Variants in SLC14A2 observed in about 807,000 individuals in gnomAD.
SLC14A2 encodes solute carrier family 14 member 2.
In SLC14A2, 91 loss-of-function variants were observed where a neutral mutation model predicts 104.6. The observed-to-expected ratio is 0.87, with a 90% CI of 0.73 to 1.04. The LOEUF is 1.04. Among genes scored for constraint, SLC14A2 ranks in the 50% least tolerant of loss-of-function variants. SLC14A2 has a pLI of 0.00. For synonymous variants in SLC14A2, 476 were observed against 466.4 expected, an observed-to-expected ratio of 1.02 and a Z score of -0.27; for missense variants, 1,189 against 1,156.0, an observed-to-expected ratio of 1.03 and a Z score of -0.41.
At chr18:45,635,043 A>T (rs1221616754) in intron 5 of SLC14A2, 4 of 350,308 alleles carry the variant, frequency 1.1e-5, no homozygotes, top group African/African-American at 8.6e-5. Context: ...AGGAAAAAAA[A>T]AAAGAAAATT....
intron 1 of SLC14A2, among the ~76,000 whole-genome samples, chr18:45,280,277 A>G (rs561693738): frequency 2.0e-5 from 3 of 152,284 alleles, no homozygotes; most frequent in East Asian, 1.9e-4. Context: ...AGGAATCACA[A>G]CAAAGACCCC....
intron 1 of SLC14A2, among the ~76,000 whole-genome samples, chr18:45,240,639 T>C (rs1172097219): frequency 2.0e-5 from 3 of 149,410 alleles, no homozygotes; most frequent in East Asian, 3.9e-4. Context: ...TGTTTTTTTT[T>C]TGTTTTTTTT....
intron 2 of SLC14A2, among the ~76,000 whole-genome samples, chr18:45,591,654 CA>C (rs968929552): frequency 6.6e-6 from 1 of 152,196 alleles, no homozygotes; most frequent in African/African-American, 2.4e-5. Context: ...ATATTTCTAA[CA>C]AGCACCCAGT....
chr18:45,222,609 T>G (rs1373636107), intron 1 of SLC14A2, among the ~76,000 whole-genome samples: 4 of 152,058 alleles, frequency 2.6e-5, no homozygotes, highest in Non-Finnish European at 5.9e-5. Flanking sequence ...GGGGGTTGGG[T>G]ACCAGCTGGA....
chr18:45,214,706 T>A (rs1238076416), intron 1 of SLC14A2, among the ~76,000 whole-genome samples: 5 of 152,112 alleles, frequency 3.3e-5, no homozygotes, highest in Admixed American at 2.0e-4. Flanking sequence ...GCTTGCATGT[T>A]TGTTAAATGA....
intron 2 of SLC14A2, among the ~76,000 whole-genome samples, chr18:45,596,014 A>G (rs1218959361): frequency 6.6e-6 from 1 of 152,144 alleles, no homozygotes; most frequent in African/African-American, 2.4e-5. Context: ...GACTTCATCC[A>G]AGAAAAAGAA....
At chr18:45,525,357 G>A (rs1275120539) in intron 2 of SLC14A2, among the ~76,000 whole-genome samples, 3 of 152,208 alleles carry the variant, frequency 2.0e-5, no homozygotes. Context: ...TTTGGGAAAG[G>A]TTGAGTGGAT....
At chr18:45,515,766 G>A (rs548299232) in intron 2 of SLC14A2, among the ~76,000 whole-genome samples, 10 of 152,310 alleles carry the variant, frequency 6.6e-5, no homozygotes, top group African/African-American at 2.2e-4. Flanking sequence ...GGAACGAATT[G>A]GTGCAATCAT....
chr18:45,666,562 C>T (rs1222167822), intron 12 of SLC14A2, among the ~76,000 whole-genome samples: 2 of 148,900 alleles, frequency 1.3e-5, no homozygotes, highest in Non-Finnish European at 3.0e-5. Context: ...ACTAGACATG[C>T]CAGGGAGAAA....
At chr18:45,213,140 G>A (rs1375737814) in exon 1 of SLC14A2, 2 of 152,156 alleles carry the variant, frequency 1.3e-5, no homozygotes, top group African/African-American at 4.8e-5. Flanking sequence ...CTACAGACAA[G>A]GAAAAGGCTT....
chr18:45,615,399 C>T (rs940520253), upstream of SLC14A2: 1 of 152,042 alleles, frequency 6.6e-6, no homozygotes, highest in Non-Finnish European at 1.5e-5. Context: ...GCGGTTTCCC[C>T]CATGCTGTTC....
chr18:45,229,977 T>C (rs944311319), intron 1 of SLC14A2, among the ~76,000 whole-genome samples: 2 of 152,242 alleles, frequency 1.3e-5, no homozygotes, highest in Non-Finnish European at 2.9e-5. Flanking sequence ...TTTCCATCTG[T>C]AAAATAGGGT....
chr18:45,404,744 C>CA (rs1488146114), intron 1 of SLC14A2, among the ~76,000 whole-genome samples: 1 of 152,170 alleles, frequency 6.6e-6, no homozygotes, highest in Non-Finnish European at 1.5e-5. Flanking sequence ...CACTGATGAG[C>CA]AGAGTGTCCT....
intron 2 of SLC14A2, among the ~76,000 whole-genome samples, chr18:45,560,407 C>A (rs937844174): frequency 6.6e-6 from 1 of 152,140 alleles, no homozygotes; most frequent in Non-Finnish European, 1.5e-5. Context: ...CTGCCACCTC[C>A]TTTTTATCCA....
chr18:45,227,846 C>T (rs996458398), intron 1 of SLC14A2, among the ~76,000 whole-genome samples: 2 of 152,164 alleles, frequency 1.3e-5, no homozygotes, highest in Non-Finnish European at 2.9e-5. Context: ...GCCCCATTCT[C>T]TTGCTCCTTT....
At chr18:45,505,878 G>T (rs951654595) in intron 2 of SLC14A2, among the ~76,000 whole-genome samples, 1 of 152,144 alleles carries the variant, frequency 6.6e-6, no homozygotes, top group Non-Finnish European at 1.5e-5. Flanking sequence ...AGCTGACTGG[G>T]ATGTGTGACG....
chr18:45,292,012 G>A (rs1489598460), intron 1 of SLC14A2, among the ~76,000 whole-genome samples: 1 of 152,110 alleles, frequency 6.6e-6, no homozygotes, highest in Non-Finnish European at 1.5e-5. Flanking sequence ...CATTTGCTTT[G>A]TGCAGCCCTC....
At chr18:45,424,420 G>A (rs1436042454) in intron 1 of SLC14A2, among the ~76,000 whole-genome samples, 1 of 152,178 alleles carries the variant, frequency 6.6e-6, no homozygotes, top group Non-Finnish European at 1.5e-5. Context: ...ATGGAAGGGG[G>A]GATGCTAAGG....
At chr18:45,587,418 G>A (rs1406206237) in intron 2 of SLC14A2, among the ~76,000 whole-genome samples, 1 of 152,156 alleles carries the variant, frequency 6.6e-6, no homozygotes, top group Non-Finnish European at 1.5e-5. Context: ...ACTTTTTGGG[G>A]CATATGGTTA....
Sources: allele counts gnomAD v4.1 joint callset (sites outside exome capture counted in the v4.1 genomes callset), GRCh38; gene constraint gnomAD v4.1.1; transcripts MANE v1.5; gene names NCBI Gene and HGNC (gene_info 2026-07-23, HGNC 2026-07-21).